Variants in ASPH observed in about 807,000 individuals in gnomAD.
The protein encoded by ASPH is aspartyl/asparaginyl beta-hydroxylase.
In ASPH, 100 loss-of-function variants were observed where a neutral mutation model predicts 118.4. The observed-to-expected ratio is 0.84, with a 90% CI of 0.72 to 1.00. The LOEUF (loss-of-function observed/expected upper bound fraction) is 1.00, where lower values mean the gene tolerates loss of function less well. Among genes scored for constraint, ASPH ranks in the 50% least tolerant of loss-of-function variants. The pLI, the probability that ASPH is intolerant of heterozygous loss-of-function variation, is 0.00. For missense variants in ASPH, 920 were observed against 919.5 expected (o/e 1.00, Z -0.01); for synonymous variants, 315 against 325.6 (o/e 0.97, Z 0.35).
intron 24 of ASPH, among the ~76,000 whole-genome samples, chr8:61,504,565 T>G (rs1261423937): frequency 6.6e-6 from 1 of 152,198 alleles, no homozygotes; most frequent in African/African-American, 2.4e-5. Context: ...TTGCAGGGCT[T>G]CACAACCGTG....
intron 13 of ASPH, among the ~76,000 whole-genome samples, chr8:61,631,229 T>C (rs1193120156): frequency 6.6e-6 from 1 of 152,172 alleles, no homozygotes; most frequent in African/African-American, 2.4e-5. Flanking sequence ...ATAAATTTAC[T>C]GTAGCCCAAG....
At chr8:61,710,945 G>C (rs28587878) in intron 1 of ASPH, among the ~76,000 whole-genome samples, 11 of 152,052 alleles carry the variant, frequency 7.2e-5, no homozygotes, top group African/African-American at 1.4e-4. Flanking sequence ...AGGCAGTACA[G>C]GAATATATTT....
chr8:61,549,283 T>G (rs1441249293), intron 20 of ASPH, among the ~76,000 whole-genome samples: 1 of 152,160 alleles, frequency 6.6e-6, no homozygotes, highest in African/African-American at 2.4e-5. Flanking sequence ...TCAGTAACAC[T>G]TTACATTGAC....
intron 5 of ASPH, 35 bp downstream of exon 5, chr8:61,651,014 AG>A (rs1428273030): frequency 6.4e-7 from 1 of 1,558,794 alleles, no homozygotes; most frequent in Non-Finnish European, 8.8e-7. Flanking sequence ...GCGTTATTTT[AG>A]TAACTCAAAA....
chr8:61,522,357 C>T (rs1359811037), intron 22 of ASPH, among the ~76,000 whole-genome samples: 1 of 152,114 alleles, frequency 6.6e-6, no homozygotes, highest in Non-Finnish European at 1.5e-5. Flanking sequence ...GGCTGAAAGT[C>T]CAAAATTAAG....
chr8:61,711,249 C>G (rs1837989939), intron 1 of ASPH, among the ~76,000 whole-genome samples: 1 of 151,972 alleles, frequency 6.6e-6, no homozygotes, highest in South Asian at 2.1e-4. Context: ...AGGGGTGATA[C>G]TCAAAAGGGA....
At chr8:61,680,252 A>T (rs1163950734) in intron 3 of ASPH, among the ~76,000 whole-genome samples, 9 of 151,836 alleles carry the variant, frequency 5.9e-5, no homozygotes, top group Non-Finnish European at 1.3e-4. Flanking sequence ...GTTTTAACAT[A>T]TATTATGCTA....
chr8:61,600,467 T>A (rs761038011), intron 14 of ASPH, among the ~76,000 whole-genome samples: 1 of 151,378 alleles, frequency 6.6e-6, no homozygotes. Flanking sequence ...CATGATCTTA[T>A]ATAGAAAAAA....
chr8:61,501,306 A>G lies in ASPH; in HGVS notation c.*2053T>C, dbSNP rs1804883066. 6.6e-6 allele frequency: 1 copy of G among 152,206 alleles called. No homozygotes were observed. Among genetic ancestry groups the G allele is most frequent in the South Asian group, 2.1e-4 (1 of 4,834 alleles). 9.4% of individuals were successfully genotyped at this position (152,206 alleles called of 1,614,324 possible). On this transcript the variant is annotated 3_prime_UTR_variant, in exon 25 of 25. Transcript: ENST00000379454. Reference sequence around the variant, plus strand: ...AGTATTTACAATGCTATTGGAGTCAATTATTGACAACACTTTGCAACAGTA... The same window carrying G: ...AGTATTTACAATGCTATTGGAGTCAGTTATTGACAACACTTTGCAACAGTA...
intron 10 of ASPH, among the ~76,000 whole-genome samples, chr8:61,640,205 CAG>C (rs1400297712): frequency 6.6e-6 from 1 of 152,168 alleles, no homozygotes; most frequent in Non-Finnish European, 1.5e-5. Context: ...TTCCTTCAGA[CAG>C]AGAGAGATGT....
rs541255827 is a variant in ASPH at position 61,614,494 on chromosome 8, C to A, written c.976+4484G>T. Among the ~76,000 whole-genome samples the A allele has an allele frequency of 7.2e-5, 11 of 152,264 alleles. No homozygotes were observed. In the East Asian group the frequency reaches 1.9e-3, roughly 27 times the overall value. On this transcript the variant is annotated intron_variant, in intron 14 of 24. Transcript: ENST00000379454. ...CAGCTTTTAAAGGTTAGAGTGAATTCTTTTCCCTTGAGTCAGGATCTTGCT... is the reference window on the plus strand; with the variant it reads ...CAGCTTTTAAAGGTTAGAGTGAATTATTTTCCCTTGAGTCAGGATCTTGCT...
At chr8:61,506,685 A>T (rs1355582074) in intron 24 of ASPH, among the ~76,000 whole-genome samples, 1 of 152,168 alleles carries the variant, frequency 6.6e-6, no homozygotes, top group African/African-American at 2.4e-5. Flanking sequence ...GGCATAATTG[A>T]TGTGAGGATT....
At chr8:61,566,872 C>T (rs1374436629) in intron 17 of ASPH, among the ~76,000 whole-genome samples, 1 of 152,182 alleles carries the variant, frequency 6.6e-6, no homozygotes, top group Non-Finnish European at 1.5e-5. Flanking sequence ...GACACTATGA[C>T]ATAGTATAAA....
chr8:61,593,975 G>C (rs1841880022), intron 14 of ASPH, among the ~76,000 whole-genome samples: 1 of 152,206 alleles, frequency 6.6e-6, no homozygotes, highest in Non-Finnish European at 1.5e-5. Flanking sequence ...AAGATGGAGT[G>C]AGGGTTGTTT....
intron 12 of ASPH, among the ~76,000 whole-genome samples, chr8:61,637,682 C>A (rs1858463754): frequency 6.6e-6 from 1 of 152,166 alleles, no homozygotes; most frequent in South Asian, 2.1e-4. Flanking sequence ...GCCCTCCACA[C>A]CCTCATCAAT....
intron 21 of ASPH, among the ~76,000 whole-genome samples, chr8:61,527,439 C>G (rs1815815669): frequency 6.6e-6 from 1 of 152,178 alleles, no homozygotes; most frequent in Admixed American, 6.5e-5. Context: ...AACATGGTGC[C>G]AGCCCCAGCC....
Position 61,646,858 on chromosome 8 carries a change from G to A in ASPH, c.511C>T (p.Gln171Ter), listed in dbSNP as rs200220407. 28 of 1,613,740 alleles carry A rather than the reference G, an allele frequency of 1.7e-5. No individual in the cohort carries two copies. Among genetic ancestry groups the A allele is most frequent in the African/African-American group, 4.0e-5 (3 of 74,888 alleles). The part of the protein sequence containing the change: ...AEHVEGEDLQ[Q>*]EDGPTGEPQQ... ...GGTTCTCCTGTGGGTCCATCTTCTT[G>A]TTGCAAGTCTTCTCCCTCAACTATG... The change falls in exon 6 of 25, where the codon CAA (glutamine) becomes TAA (stop). Residue 171 changes from glutamine (Q) to a stop codon, truncating the protein, a stop_gained. Coordinates refer to ENST00000379454, the MANE Select transcript of ASPH (RefSeq NM_004318.4). LOFTEE classifies it high-confidence loss of function.
intron 24 of ASPH, among the ~76,000 whole-genome samples, chr8:61,504,243 G>C (rs1805574527): frequency 2.0e-5 from 3 of 152,124 alleles, no homozygotes; most frequent in African/African-American, 7.2e-5. Context: ...AATCCAAAGA[G>C]AGTTTATGAG....
chr8:61,614,230 A>G (rs938250137), intron 14 of ASPH, among the ~76,000 whole-genome samples: 1 of 152,262 alleles, frequency 6.6e-6, no homozygotes, highest in Admixed American at 6.5e-5. Flanking sequence ...ATAATTTAAT[A>G]AGATATTAAG....
Sources: gnomAD v4.1 joint callset for allele counts (sites outside exome capture counted in the v4.1 genomes callset) on GRCh38, gnomAD v4.1.1 for gene constraint, MANE v1.5 for transcripts, NCBI Gene and HGNC (gene_info 2026-07-23, HGNC 2026-07-21) for gene names.